The following ASTN2 variants were observed in gnomAD, a reference collection of about 807,000 sequenced individuals.
The protein encoded by ASTN2 is astrotactin-2.
Under a neutral mutation model 139.8 loss-of-function variants are expected in ASTN2, and 54 were observed. The ratio of observed to expected loss-of-function variants is 0.39; its 90% CI spans 0.31 to 0.48. The LOEUF is 0.48. Among genes scored for constraint, ASTN2 ranks in the 20% least tolerant of loss-of-function variants. The probability of loss-of-function intolerance (pLI) is 0.95; values close to 1 mark genes in which losing one functional copy is unlikely to be tolerated. For missense variants in ASTN2, 1,565 were observed against 1,725.1 expected, an observed-to-expected ratio of 0.91 and a Z score of 1.64; for synonymous variants, 756 against 719.5, an observed-to-expected ratio of 1.05 and a Z score of -0.81.
At chr9:117,090,293 A>G (rs1449231763) in intron 5 of ASTN2, among the ~76,000 whole-genome samples, 1 of 152,178 alleles carries the variant, frequency 6.6e-6, no homozygotes, top group Non-Finnish European at 1.5e-5. Flanking sequence ...CCCCTTATTT[A>G]GGAAATCCCA....
chr9:117,194,243 T>C (rs1454498784), intron 3 of ASTN2, among the ~76,000 whole-genome samples: 1 of 152,150 alleles, frequency 6.6e-6, no homozygotes, highest in Non-Finnish European at 1.5e-5. Flanking sequence ...AGCCCTTGAA[T>C]TATCTTCATC....
intron 3 of ASTN2, among the ~76,000 whole-genome samples, chr9:117,207,020 GC>G (rs1831949043): frequency 6.6e-6 from 1 of 151,564 alleles, no homozygotes; most frequent in African/African-American, 2.4e-5. Flanking sequence ...GCAGCCAACA[GC>G]CCATGTCCTG....
At chr9:116,634,507 G>C (rs922490784) in intron 17 of ASTN2, among the ~76,000 whole-genome samples, 1 of 149,764 alleles carries the variant, frequency 6.7e-6, no homozygotes, top group Non-Finnish European at 1.5e-5. Flanking sequence ...GGAGAATGGC[G>C]TGAACCCGGG....
intron 10 of ASTN2, among the ~76,000 whole-genome samples, chr9:116,949,501 C>T (rs1173363277): frequency 6.6e-6 from 1 of 152,108 alleles, no homozygotes; most frequent in East Asian, 1.9e-4. Context: ...TGGGCTGAGA[C>T]TGTATCAGAA....
At chr9:117,108,585 T>G (rs151028098) in intron 4 of ASTN2, among the ~76,000 whole-genome samples, 3,123 of 152,188 alleles carry the variant, frequency 0.021, 51 homozygotes, top group Non-Finnish European at 0.034. Context: ...ATTGGGAAGA[T>G]TGAATATTCA....
intron 7 of ASTN2, among the ~76,000 whole-genome samples, chr9:116,993,793 A>G (rs1044687997): frequency 6.8e-6 from 1 of 146,908 alleles, no homozygotes; most frequent in African/African-American, 2.5e-5. Context: ...CACTTTATAT[A>G]TGTATGTATG....
intron 16 of ASTN2, among the ~76,000 whole-genome samples, chr9:116,720,038 C>A (rs1468362520): frequency 6.6e-6 from 1 of 152,126 alleles, no homozygotes; most frequent in Non-Finnish European, 1.5e-5. Flanking sequence ...AAACTGAAGG[C>A]TCTGGAGAAT....
At chr9:116,770,617 G>A (rs1283150263) in intron 13 of ASTN2, among the ~76,000 whole-genome samples, 6 of 152,132 alleles carry the variant, frequency 3.9e-5, no homozygotes, top group Admixed American at 3.9e-4. Flanking sequence ...TCCTTTCTGA[G>A]CATTTGCTTC....
At chr9:116,607,502 C>A (rs1855267943) in intron 19 of ASTN2, among the ~76,000 whole-genome samples, 1 of 151,860 alleles carries the variant, frequency 6.6e-6, no homozygotes, top group African/African-American at 2.4e-5. Flanking sequence ...TGACCCTAGG[C>A]CAGATAACCA....
At chr9:116,709,494 T>C (rs1828084098) in intron 16 of ASTN2, among the ~76,000 whole-genome samples, 1 of 152,182 alleles carries the variant, frequency 6.6e-6, no homozygotes, top group Admixed American at 6.5e-5. Context: ...CTTTATGCGG[T>C]CCTTTTAGCA....
In ASTN2 at chr9:116,884,804, C is replaced by CCCT. The variant is rs1554756733; in HGVS notation, c.1890-21072_1890-21071insAGG. Among the ~76,000 whole-genome samples, 25 of 45,556 alleles carry CCCT rather than the reference C, an allele frequency of 5.5e-4. 1 individual carries two copies. The highest frequency in any genetic ancestry group is 2.8e-3 in the East Asian group (2 of 714). 29.9% of individuals were successfully genotyped at this position (45,556 alleles called of 152,430 possible). On this transcript the variant is annotated intron_variant, in intron 10 of 22. Coordinates refer to ENST00000313400, the MANE Select transcript of ASTN2 (RefSeq NM_001365068.1). ...GTGCATGTCAATCTCCAAATATCCG[C>CCCT]CCCCCCCCCACCCACTTTTTTTTTT...
At chr9:116,837,269 T>C (rs1832031098) in intron 11 of ASTN2, among the ~76,000 whole-genome samples, 1 of 152,162 alleles carries the variant, frequency 6.6e-6, no homozygotes, top group Non-Finnish European at 1.5e-5. Context: ...TGAGGTTTTA[T>C]AGTAAGTAGG....
intron 13 of ASTN2, among the ~76,000 whole-genome samples, chr9:116,782,214 C>A (rs895302747): frequency 1.3e-5 from 2 of 152,178 alleles, no homozygotes; most frequent in Non-Finnish European, 2.9e-5. Flanking sequence ...AGCCCACAAT[C>A]ACTGTGGAGT....
chr9:116,993,944 C>T (rs992599464), intron 7 of ASTN2, among the ~76,000 whole-genome samples: 3 of 149,580 alleles, frequency 2.0e-5, no homozygotes, highest in Non-Finnish European at 3.0e-5. Context: ...ATGTAAGTTA[C>T]ATGGTGGCAG....
At chr9:116,487,244 A>C in intron 20 of ASTN2, 115 bp downstream of exon 20, 1 of 1,311,384 alleles carries the variant, frequency 7.6e-7, no homozygotes, top group South Asian at 1.5e-5. Context: ...AGTTGCACAT[A>C]CAGGCTAGCT....
chr9:117,182,272 G>A lies in ASTN2; in HGVS notation c.1015+32086C>T, dbSNP rs144608226. On this transcript the variant is annotated intron_variant, in intron 3 of 22. Transcript: ENST00000313400. ...TAATAAGATTTCACCCAAGTCCCAG[G>A]CATTTCCCTGAGTGAACTCAGCATG... Among the ~76,000 whole-genome samples, 430 of 151,272 alleles carry A rather than the reference G, an allele frequency of 2.8e-3. 2 individuals carry two copies. The highest frequency in any genetic ancestry group is 9.9e-3 in the African/African-American group (406 of 41,204).
At chr9:116,977,267 T>A (rs1445728740) in intron 7 of ASTN2, among the ~76,000 whole-genome samples, 1 of 152,214 alleles carries the variant, frequency 6.6e-6, no homozygotes, top group East Asian at 1.9e-4. Flanking sequence ...AACCTTTGAT[T>A]TCCCCTTTCA....
At chr9:116,585,426 A>T (rs930967995) in intron 19 of ASTN2, 4 of 152,224 alleles carry the variant, frequency 2.6e-5, no homozygotes, top group Admixed American at 2.6e-4. Flanking sequence ...TTAATTACTT[A>T]CTGATTTCTG....
At chr9:117,230,310 G>A (rs1052135588) in intron 2 of ASTN2, among the ~76,000 whole-genome samples, 1 of 152,098 alleles carries the variant, frequency 6.6e-6, no homozygotes, top group African/African-American at 2.4e-5. Context: ...AGGCTCTACA[G>A]GAGACTCCTC....
Sources: allele counts gnomAD v4.1 joint callset (sites outside exome capture counted in the v4.1 genomes callset), GRCh38; gene constraint gnomAD v4.1.1; transcripts MANE v1.5; gene names NCBI Gene and HGNC (gene_info 2026-07-23, HGNC 2026-07-21).